The following TIGD1 variants were observed in gnomAD, a reference collection of about 807,000 sequenced individuals.
TIGD1 encodes the protein tigger transposable element derived 1.
A neutral mutation model predicts 21.3 loss-of-function variants in TIGD1; 20 were observed. That is an observed-to-expected ratio of 0.94 (90% CI 0.66 to 1.36). The LOEUF (loss-of-function observed/expected upper bound fraction) is 1.36. TIGD1 is among the 40% of genes most tolerant of loss of function. The pLI is 0.00. For synonymous variants in TIGD1, 177 were observed against 123.2 expected (o/e 1.44, Z -2.89); for missense variants, 556 against 350.5 (o/e 1.59, Z -4.68).
rs1316678570 is a variant in TIGD1, at chr2:232,547,995, A to G, written c.*112T>C. 2.2e-6 allele frequency: 1 copy of G among 455,104 alleles called. No homozygotes were observed. Among genetic ancestry groups the G allele is most frequent in the Non-Finnish European group, 3.8e-6 (1 of 260,644 alleles). 28.2% of individuals were successfully genotyped at this position (455,104 alleles called of 1,614,324 possible). ...TGTTTTTGGTTTCCCAATGCATATA[A>G]AAGTTATGTTTACACTATACTGTAG... is the stretch of plus-strand genomic sequence containing the variant. On this transcript the variant is annotated 3_prime_UTR_variant, in exon 1 of 1. Coordinates refer to ENST00000408957, the MANE Select transcript of TIGD1 (RefSeq NM_145702.4).
Position 232,545,258 on chromosome 2 carries a change from G to A in TIGD1, c.*2849C>T, listed in dbSNP as rs546475471. Among the ~76,000 whole-genome samples the A allele has an allele frequency of 5.6e-4, 85 of 151,396 alleles. 1 individual carries two copies. Among genetic ancestry groups the A allele is most frequent in the African/African-American group, 2.0e-3 (82 of 41,236 alleles). ...GGAGGCGGAGGTTGCAGTGAGCCAA[G>A]CCAAGATCGCACCACTGCACTCTGG... On this transcript the variant is annotated 3_prime_UTR_variant, in exon 1 of 1. Transcript: ENST00000408957.
Position 232,548,214 on chromosome 2 carries a change from G to C in TIGD1, c.1669C>G (p.Pro557Ala). Residue 557 changes from proline to alanine, a missense_variant, in exon 1 of 1, where the codon CCA (proline) becomes GCA (alanine). By Grantham distance (27) the Pro-to-Ala change is conservative. Transcript: ENST00000408957. ...GTGGTGGCTGCTGAAGGTTGGGGTG[G>C]CTGTGGCAATTTCCTAAAATAAGAC... ...PMSYFRKLPQ[P>A]PQPSAATTLT... 1 of 1,541,012 alleles carries C rather than the reference G, an allele frequency of 6.5e-7. No homozygotes were observed. The highest frequency in any genetic ancestry group is 8.7e-7 in the Non-Finnish European group (1 of 1,146,116).
In TIGD1 at chr2:232,548,121, C is replaced by T. The variant is rs372362836; in HGVS notation, c.1762G>A (p.Glu588Lys). The change falls in exon 1 of 1, where the codon GAA becomes AAA. Residue 588 changes from glutamate to lysine, a missense_variant. Glu to Lys is a moderately conservative substitution (Grantham distance 56). Transcript: ENST00000408957. ...PPPAKRVRLTEGSD is the reference protein window; with the variant it reads ...PPPAKRVRLTKGSD ...AATGCTGATTATCAATCTGAGCCTTCGGTGAGTCGTACTCTTTTTGCTGGT... is the reference window on the plus strand; with the variant it reads ...AATGCTGATTATCAATCTGAGCCTTTGGTGAGTCGTACTCTTTTTGCTGGT... The T allele has an allele frequency of 9.0e-5, 72 of 798,596 alleles. No homozygotes were observed. Among genetic ancestry groups the T allele is most frequent in the African/African-American group, 2.5e-4 (14 of 57,088 alleles). The allele number at this position is 798,596 out of a possible 1,614,324, so 49.5% of individuals were successfully genotyped here.
Position 232,544,763 on chromosome 2 carries a change from C to T in TIGD1, c.*3344G>A, listed in dbSNP as rs561085959. ...TCTACTCCCAAACCTTACCCTTTCT[C>T]TTTATCAGAGAAAGGCCCGGAGTTA... is the stretch of plus-strand genomic sequence containing the variant. On this transcript the variant is annotated 3_prime_UTR_variant, in exon 1 of 1. Coordinates refer to ENST00000408957, the MANE Select transcript of TIGD1 (RefSeq NM_145702.4). 6.8e-6 allele frequency: 11 copies of T among 1,613,888 alleles called. No homozygotes were observed. The East Asian group carries it at 2.5e-4, about 36-fold the overall frequency.
Position 232,546,067 on chromosome 2 carries a change from G to C in TIGD1, c.*2040C>G. On this transcript the variant is annotated 3_prime_UTR_variant, in exon 1 of 1. Coordinates refer to ENST00000408957, the MANE Select transcript of TIGD1 (RefSeq NM_145702.4). ...AAGGACTGTTTTGTATAATACCTTC[G>C]GACTTGGGACTGGCTCCCCTTTTAC... The C allele has an allele frequency of 2.7e-6, 1 of 375,230 alleles. No homozygotes were observed. Among genetic ancestry groups the C allele is most frequent in the Non-Finnish European group, 5.1e-6 (1 of 194,672 alleles). 23.2% of individuals were successfully genotyped at this position (375,230 alleles called of 1,614,324 possible).
Position 232,544,485 on chromosome 2 carries a change from C to G in TIGD1, c.*3622G>C. Reference sequence around the variant, plus strand: ...GGCTCCTCGGGATGGTCGATCACAACTGGGGAGGAGGTGGCCCTCTGCCTG... The same window carrying G: ...GGCTCCTCGGGATGGTCGATCACAAGTGGGGAGGAGGTGGCCCTCTGCCTG... On this transcript the variant is annotated 3_prime_UTR_variant, in exon 1 of 1. Coordinates refer to ENST00000408957, the MANE Select transcript of TIGD1 (RefSeq NM_145702.4). 10 of 1,613,786 alleles carry G rather than the reference C, an allele frequency of 6.2e-6. No homozygotes were observed. The highest frequency in any genetic ancestry group is 8.5e-6 in the Non-Finnish European group (10 of 1,179,966).
chr2:232,549,130 A>T lies in TIGD1; in HGVS notation c.753T>A (p.Thr251=). Residue 251 remains threonine, a synonymous_variant, in exon 1 of 1, where the codon ACT becomes ACA. Coordinates refer to ENST00000408957, the MANE Select transcript of TIGD1 (RefSeq NM_145702.4). ...TATATAGCACGGGTAGAGTAGATTT[A>T]GTATAATTCTTAAGGGCCCTAGGAT... ...SENPRALKNY[T]KSTLPVLYKW... is the part of the protein sequence containing the mutation. 1 of 715,954 alleles carries T rather than the reference A, an allele frequency of 1.4e-6. No homozygotes were observed. The highest frequency in any genetic ancestry group is 2.6e-6 in the Non-Finnish European group (1 of 384,782). 44.4% of individuals were successfully genotyped at this position (715,954 alleles called of 1,614,324 possible). A position where few individuals can be genotyped will look rare whatever the true frequency, so the allele number is the denominator to read the frequency against.
chr2:232,544,744 C>A lies in TIGD1; in HGVS notation c.*3363G>T, dbSNP rs781098639. 1.2e-6 allele frequency: 2 copies of A among 1,613,544 alleles called. No homozygotes were observed. The highest frequency in any genetic ancestry group is 4.5e-5 in the East Asian group (2 of 44,888). ...CTGCCTGTTTCTCCTCCATTCTACT[C>A]CCAAACCTTACCCTTTCTCTTTATC... On this transcript the variant is annotated 3_prime_UTR_variant, in exon 1 of 1. Coordinates refer to ENST00000408957, the MANE Select transcript of TIGD1 (RefSeq NM_145702.4).
rs1459656202 is a variant in TIGD1, at chr2:232,549,509, G to A, written c.374C>T (p.Ala125Val). 1 of 679,734 alleles carries A rather than the reference G, an allele frequency of 1.5e-6. No individual in the cohort carries two copies. The highest frequency in any genetic ancestry group is 2.6e-6 in the Non-Finnish European group (1 of 378,292). 42.1% of individuals were successfully genotyped at this position (679,734 alleles called of 1,614,324 possible). ...TCTGCTAGCTTCAAACTTTTCTTCT[G>A]CAGCTTCCACACCTCTCTCAGCTTT... The part of the protein sequence containing the change: ...SMKAERGVEA[A>V]EEKFEASRGW... The change falls in exon 1 of 1, where the codon GCA becomes GTA. Residue 125 changes from alanine (A) to valine (V), a missense_variant. By Grantham distance (64) the Ala-to-Val change is moderately conservative (BLOSUM62 0). Coordinates refer to ENST00000408957, the MANE Select transcript of TIGD1 (RefSeq NM_145702.4).
In TIGD1 at chr2:232,544,486, T is replaced by A. The variant is rs370313191; in HGVS notation, c.*3621A>T. The A allele has an allele frequency of 1.2e-6, 2 of 1,613,752 alleles. No homozygotes were observed. Among genetic ancestry groups the A allele is most frequent in the East Asian group, 2.2e-5 (1 of 44,864 alleles). ...GCTCCTCGGGATGGTCGATCACAAC[T>A]GGGGAGGAGGTGGCCCTCTGCCTGC... On this transcript the variant is annotated 3_prime_UTR_variant, in exon 1 of 1. Transcript: ENST00000408957.
In TIGD1 at chr2:232,544,908, C is replaced by T; in HGVS notation, c.*3199G>A. 1.2e-6 allele frequency: 2 copies of T among 1,613,846 alleles called. No homozygotes were observed. Among genetic ancestry groups the T allele is most frequent in the Non-Finnish European group, 1.7e-6 (2 of 1,179,978 alleles). On this transcript the variant is annotated 3_prime_UTR_variant, in exon 1 of 1. Transcript: ENST00000408957. ...AGCAGAGTCACTTTGACAATGTAAG[C>T]TGAGTCAGGGTGGGGTGGAGGTGGA... is the stretch of plus-strand genomic sequence containing the variant.
In TIGD1 at chr2:232,549,967, C is replaced by T. The variant is rs141472362; in HGVS notation, c.-85G>A. ...CAAGAAGAGGGAGAGAGATGGGGAA[C>T]GGTCTGTGGGTGGAGCGGTCAGAAC... On this transcript the variant is annotated 5_prime_UTR_variant, in exon 1 of 1. Coordinates refer to ENST00000408957, the MANE Select transcript of TIGD1 (RefSeq NM_145702.4). The T allele has an allele frequency of 4.2e-4, 324 of 762,796 alleles. 3 individuals are homozygous for T. In the East Asian group the frequency reaches 8.4e-3, roughly 20 times the overall value. The allele number at this position is 762,796 out of a possible 1,614,324, so 47.3% of individuals were successfully genotyped here.
rs1692245380 is a variant in TIGD1 at position 232,549,966 on chromosome 2, A to C, written c.-84T>G. On this transcript the variant is annotated 5_prime_UTR_variant, in exon 1 of 1. Coordinates refer to ENST00000408957, the MANE Select transcript of TIGD1 (RefSeq NM_145702.4). ...CCAAGAAGAGGGAGAGAGATGGGGA[A>C]CGGTCTGTGGGTGGAGCGGTCAGAA... is the stretch of plus-strand genomic sequence containing the variant. 1 of 768,914 alleles carries C rather than the reference A, an allele frequency of 1.3e-6. No individual in the cohort carries two copies. Among genetic ancestry groups the C allele is most frequent in the Non-Finnish European group, 2.1e-6 (1 of 480,612 alleles). 47.6% of individuals were successfully genotyped at this position (768,914 alleles called of 1,614,324 possible). A position where few individuals can be genotyped will look rare whatever the true frequency, so the allele number is the denominator to read the frequency against.
Position 232,544,341 on chromosome 2 carries a change from C to A in TIGD1, c.*3766G>T. The A allele has an allele frequency of 5.7e-6, 9 of 1,573,504 alleles. No individual in the cohort carries two copies. Among genetic ancestry groups the A allele is most frequent in the Non-Finnish European group, 7.9e-6 (9 of 1,144,754 alleles). On this transcript the variant is annotated 3_prime_UTR_variant, in exon 1 of 1. Coordinates refer to ENST00000408957, the MANE Select transcript of TIGD1 (RefSeq NM_145702.4). ...TTCTGCTCTGAAGCTCGGCCTGCTG[C>A]CCTAGTGAAGCCACCCCCTCTCTAG...
In TIGD1 at chr2:232,549,707, T is replaced by G. The variant is rs889210310; in HGVS notation, c.176A>C (p.Lys59Thr). The change falls in exon 1 of 1, where the codon AAG becomes ACG. Residue 59 changes from lysine to threonine, a missense_variant. By Grantham distance (78) the Lys-to-Thr change is moderately conservative (BLOSUM62 -1). Transcript: ENST00000408957. ...CATTGGAGTAGCACTTTTAACTTCC[T>G]TCAAGAACTTTTCCTTTGCATTTAC... is the stretch of plus-strand genomic sequence containing the variant. Reference protein sequence around the residue: ...QVVNAKEKFLKEVKSATPMNT... With the variant: ...QVVNAKEKFLTEVKSATPMNT... The G allele has an allele frequency of 1.2e-6, 1 of 869,060 alleles. No individual in the cohort carries two copies. The highest frequency in any genetic ancestry group is 2.6e-5 in the East Asian group (1 of 37,986). 53.8% of individuals were successfully genotyped at this position (869,060 alleles called of 1,614,324 possible).
chr2:232,545,583 G>T lies in TIGD1; in HGVS notation c.*2524C>A. 1 of 1,614,022 alleles carries T rather than the reference G, an allele frequency of 6.2e-7. No homozygotes were observed. The highest frequency in any genetic ancestry group is 8.5e-7 in the Non-Finnish European group (1 of 1,180,012). ...TTCCTGGTGGGCCGAGTGCTGGACC[G>T]CGTCTGCTTCCTGGCCATGCTCTCG... is the stretch of plus-strand genomic sequence containing the variant. On this transcript the variant is annotated 3_prime_UTR_variant, in exon 1 of 1. Transcript: ENST00000408957.
Position 232,548,066 on chromosome 2 carries a change from C to A in TIGD1, c.*41G>T. The stretch of plus-strand genomic sequence containing the variant: ...ATTGTCTAATAAAACAATATACATA[C>A]CTAAATTTAAAAATACTTTATTGCT... On this transcript the variant is annotated 3_prime_UTR_variant, in exon 1 of 1. Transcript: ENST00000408957. 1.7e-6 allele frequency: 1 copy of A among 589,354 alleles called. No homozygotes were observed. The highest frequency in any genetic ancestry group is 2.9e-5 in the East Asian group (1 of 34,232). The allele number at this position is 589,354 out of a possible 1,614,324, so 36.5% of individuals were successfully genotyped here.
Position 232,549,885 on chromosome 2 carries a change from CAG to C in TIGD1, c.-5_-4del. Reference sequence around the variant, plus strand: ...TCACTTGAGCACTTAGAGGCCATTGCAGAGTCATTAATTCGCCTAATCTCAAT... The same window carrying C: ...TCACTTGAGCACTTAGAGGCCATTGCAGTCATTAATTCGCCTAATCTCAAT... On this transcript the variant is annotated 5_prime_UTR_variant, in exon 1 of 1. Transcript: ENST00000408957. The C allele has an allele frequency of 5.6e-6, 8 of 1,419,418 alleles. No individual in the cohort carries two copies. The highest frequency in any genetic ancestry group is 7.6e-6 in the Non-Finnish European group (8 of 1,055,488). 87.9% of individuals were successfully genotyped at this position (1,419,418 alleles called of 1,614,324 possible).
Position 232,546,634 on chromosome 2 carries a change from GCCT to G in TIGD1, c.*1470_*1472del, listed in dbSNP as rs936925590. Among the ~76,000 whole-genome samples, 3 of 152,034 alleles carry G rather than the reference GCCT, an allele frequency of 2.0e-5. No homozygotes were observed. Among genetic ancestry groups the G allele is most frequent in the African/African-American group, 7.3e-5 (3 of 41,374 alleles). ...TTACAGGCATAAGCCACTGTACCTG[GCCT>G]CCTTTTTAATTAAGAGCTCCTCACA... On this transcript the variant is annotated 3_prime_UTR_variant, in exon 1 of 1. Transcript: ENST00000408957.
Sources: allele counts gnomAD v4.1 joint callset (sites outside exome capture counted in the v4.1 genomes callset), GRCh38; gene constraint gnomAD v4.1.1; transcripts MANE v1.5; gene names NCBI Gene and HGNC (gene_info 2026-07-23, HGNC 2026-07-21).